Variants in DENND1A observed in about 807,000 individuals in gnomAD.
DENND1A encodes the protein DENN domain containing 1A, also known as DENN domain-containing protein 1A.
Under a neutral mutation model 113.7 loss-of-function variants are expected in DENND1A, and 51 were observed. That is an observed-to-expected ratio of 0.45 (90% CI 0.36 to 0.57). DENND1A has a LOEUF of 0.57. Ranked by LOEUF, DENND1A falls within the 20% of genes least tolerant of loss-of-function variation. The pLI, the probability that DENND1A is intolerant of heterozygous loss-of-function variation, is 0.00. For missense variants in DENND1A, 1,258 were observed against 1,395.9 expected (o/e 0.90, Z 1.57); for synonymous variants, 565 against 570.8 (o/e 0.99, Z 0.14).
intron 5 of DENND1A, among the ~76,000 whole-genome samples, chr9:123,687,298 T>C (rs1469223537): frequency 6.6e-6 from 1 of 152,232 alleles, no homozygotes. Context: ...CTGTACCATA[T>C]GCAACTTGAG....
chr9:123,570,530 G>A (rs974425413), intron 12 of DENND1A, among the ~76,000 whole-genome samples: 7 of 152,128 alleles, frequency 4.6e-5, no homozygotes, highest in Non-Finnish European at 1.0e-4. Context: ...CTGGAGAAGT[G>A]GGGGCAAGAC....
intron 19 of DENND1A, among the ~76,000 whole-genome samples, chr9:123,436,986 A>C (rs183606249): frequency 1.6e-3 from 249 of 152,306 alleles, no homozygotes; most frequent in Admixed American, 2.9e-3. Flanking sequence ...CTTTTAATTA[A>C]AGTGTCCAAC....
chr9:123,650,906 CAAAAAAAAAAAAAA>C lies in DENND1A; in HGVS notation c.618+1093_618+1106del, dbSNP rs76905879. 2.2e-3 allele frequency among the ~76,000 whole-genome samples: 77 copies of C among 35,666 alleles called. 1 individual carries two copies. Among genetic ancestry groups the C allele is most frequent in the Non-Finnish European group, 4.3e-3 (60 of 14,110 alleles). 23.4% of individuals were successfully genotyped at this position (35,666 alleles called of 152,430 possible). A position where few individuals can be genotyped will look rare whatever the true frequency, so the allele number is the denominator to read the frequency against. ...TGGGTGACAGAGTAAGACTCTGTCTCAAAAAAAAAAAAAAAAAAAAAAAAAGATGGATTAATGGA... is the reference window on the plus strand; with the variant it reads ...TGGGTGACAGAGTAAGACTCTGTCTCAAAAAAAAAAAGATGGATTAATGGA... On this transcript the variant is annotated intron_variant, in intron 9 of 23. Coordinates refer to ENST00000394215, the MANE Select transcript of DENND1A (RefSeq NM_001352964.2).
chr9:123,769,434 T>G, intron 4 of DENND1A, 80 bp downstream of exon 4: 1 of 1,259,176 alleles, frequency 7.9e-7, no homozygotes, highest in Non-Finnish European at 1.1e-6. Context: ...GACAGAATGT[T>G]AAGAATGGTA....
chr9:123,570,656 A>G (rs2058305244), intron 12 of DENND1A, among the ~76,000 whole-genome samples: 1 of 152,228 alleles, frequency 6.6e-6, no homozygotes, highest in African/African-American at 2.4e-5. Flanking sequence ...CCTAGCACAT[A>G]GTAGGTGCTC....
At chr9:123,819,638 A>G (rs1838137548) in intron 2 of DENND1A, among the ~76,000 whole-genome samples, 3 of 152,286 alleles carry the variant, frequency 2.0e-5, no homozygotes, top group African/African-American at 7.2e-5. Flanking sequence ...CCTGGGTTCA[A>G]GCAATTCTCC....
chr9:123,857,983 C>T (rs190095091), intron 2 of DENND1A, among the ~76,000 whole-genome samples: 3 of 149,948 alleles, frequency 2.0e-5, no homozygotes, highest in African/African-American at 4.9e-5. Flanking sequence ...GGCGTGAACC[C>T]GGGAGGCGGA....
chr9:123,552,094 G>T (rs534778422), intron 13 of DENND1A, among the ~76,000 whole-genome samples: 247 of 146,802 alleles, frequency 1.7e-3, no homozygotes, highest in Admixed American at 2.6e-3. Flanking sequence ...AATCTCAAGG[G>T]AGCTCTGAGC....
chr9:123,407,446 T>A (rs1179658011), intron 20 of DENND1A, among the ~76,000 whole-genome samples: 2 of 151,086 alleles, frequency 1.3e-5, no homozygotes, highest in African/African-American at 4.9e-5. Flanking sequence ...ACTCACACAC[T>A]CACACACACA....
chr9:123,923,470 G>A (rs1178574172), intron 1 of DENND1A, among the ~76,000 whole-genome samples: 1 of 152,220 alleles, frequency 6.6e-6, no homozygotes, highest in African/African-American at 2.4e-5. Context: ...AGGCCTGGAA[G>A]GAAGTCACAT....
At chr9:123,845,978 C>A (rs2133060911) in intron 2 of DENND1A, among the ~76,000 whole-genome samples, 1 of 152,234 alleles carries the variant, frequency 6.6e-6, no homozygotes, top group South Asian at 2.1e-4. Context: ...TATCTGATAA[C>A]AGGTTTGTAT....
At chr9:123,791,245 A>T (rs1832951690) in intron 3 of DENND1A, among the ~76,000 whole-genome samples, 1 of 152,156 alleles carries the variant, frequency 6.6e-6, no homozygotes. Context: ...AGTGTATTCT[A>T]AATAATACGT....
intron 18 of DENND1A, among the ~76,000 whole-genome samples, chr9:123,440,971 A>C (rs1373611869): frequency 1.3e-5 from 2 of 152,234 alleles, no homozygotes; most frequent in Non-Finnish European, 2.9e-5. Flanking sequence ...ACCACGATTC[A>C]ATATTCTACT....
At chr9:123,458,536 C>T (rs1353997809) in intron 13 of DENND1A, among the ~76,000 whole-genome samples, 1 of 152,180 alleles carries the variant, frequency 6.6e-6, no homozygotes, top group African/African-American at 2.4e-5. Context: ...TCAGATTCTA[C>T]ACCCCACATC....
intron 5 of DENND1A, among the ~76,000 whole-genome samples, chr9:123,721,723 C>A (rs1479942101): frequency 6.6e-6 from 1 of 152,296 alleles, no homozygotes; most frequent in East Asian, 1.9e-4. Context: ...GCTGTCTTTA[C>A]CTGCTTCCAT....
At chr9:123,605,097 T>C (rs1564803368) in intron 11 of DENND1A, among the ~76,000 whole-genome samples, 1 of 152,100 alleles carries the variant, frequency 6.6e-6, no homozygotes, top group African/African-American at 2.4e-5. Context: ...AGGTGTCACA[T>C]TCTAACTGCT....
intron 6 of DENND1A, among the ~76,000 whole-genome samples, chr9:123,673,895 T>C (rs1272536572): frequency 6.6e-6 from 1 of 152,108 alleles, no homozygotes; most frequent in African/African-American, 2.4e-5. Flanking sequence ...TCTATTGCCA[T>C]CCCTGCCTCC....
At chr9:123,552,505 C>T (rs1013713677) in intron 13 of DENND1A, among the ~76,000 whole-genome samples, 1 of 152,220 alleles carries the variant, frequency 6.6e-6, no homozygotes, top group Non-Finnish European at 1.5e-5. Context: ...ACTGTGACTG[C>T]AGTAACCTGA....
intron 1 of DENND1A, among the ~76,000 whole-genome samples, chr9:123,909,114 C>T (rs1193300228): frequency 2.6e-5 from 4 of 151,778 alleles, no homozygotes; most frequent in Non-Finnish European, 5.9e-5. Flanking sequence ...AACCAAACAC[C>T]GCATATTCTC....
Sources: gnomAD v4.1 joint callset for allele counts (sites outside exome capture counted in the v4.1 genomes callset) on GRCh38, gnomAD v4.1.1 for gene constraint, MANE v1.5 for transcripts, NCBI Gene and HGNC (gene_info 2026-07-23, HGNC 2026-07-21) for gene names.